Variants in CDH18 observed in about 807,000 individuals in gnomAD.
CDH18 encodes cadherin-18.
A neutral mutation model predicts 67.9 loss-of-function variants in CDH18; 31 were observed. That is an observed-to-expected ratio of 0.46 (90% CI 0.34 to 0.62). CDH18 has a LOEUF of 0.62. Among genes scored for constraint, CDH18 ranks in the 20% least tolerant of loss-of-function variants. CDH18 has a pLI of 0.01. For synonymous variants in CDH18, 362 were observed against 347.2 expected (o/e 1.04, Z -0.48); for missense variants, 890 against 975.5 (o/e 0.91, Z 1.17).
intron 2 of CDH18, among the ~76,000 whole-genome samples, chr5:20,115,297 T>TTTTTTTG (rs1580275991): frequency 1.4e-5 from 2 of 142,832 alleles, no homozygotes; most frequent in East Asian, 2.1e-4. Context: ...TTTTTTTTTT[T>TTTTTTTG]GAGACGGAGT....
chr5:20,415,941 A>G (rs1747268335), intron 1 of CDH18, among the ~76,000 whole-genome samples: 2 of 152,124 alleles, frequency 1.3e-5, no homozygotes, highest in African/African-American at 4.8e-5. Context: ...AAAATAGCCA[A>G]ACTCATAAGA....
chr5:19,774,461 A>G (rs1295102380), intron 3 of CDH18, among the ~76,000 whole-genome samples: 1 of 147,252 alleles, frequency 6.8e-6, no homozygotes, highest in African/African-American at 2.7e-5. Flanking sequence ...TAAATAAATC[A>G]TAGTAAGGGG....
At chr5:20,389,183 ATCTAAGTCTCTT>A (rs1744598176) in intron 1 of CDH18, among the ~76,000 whole-genome samples, 2 of 152,000 alleles carry the variant, frequency 1.3e-5, no homozygotes, top group South Asian at 4.1e-4. Flanking sequence ...TTGTGTGGGC[ATCTAAGTCTCTT>A]TCTAAGTCTC....
At chr5:20,297,801 G>C (rs965228472) in intron 1 of CDH18, among the ~76,000 whole-genome samples, 3 of 152,168 alleles carry the variant, frequency 2.0e-5, no homozygotes, top group Non-Finnish European at 2.9e-5. Context: ...TGATGCTCTT[G>C]CTGAGGTTGT....
At chr5:20,327,279 A>G (rs1738689908) in intron 1 of CDH18, among the ~76,000 whole-genome samples, 2 of 152,228 alleles carry the variant, frequency 1.3e-5, no homozygotes, top group South Asian at 4.1e-4. Flanking sequence ...CTTGTATCAT[A>G]GCCTCATTTC....
rs770362589 is a variant in CDH18 at position 19,520,643 on chromosome 5, A to T, written c.1512+14T>A. On this transcript the variant is annotated intron_variant, in intron 10 of 12. Transcript: ENST00000382275. ...ATTCCATTCAAATGAGGAGGAAGGA[A>T]ACAATTAACTTACCTGGCCAGGCTT... 1.2e-6 allele frequency: 2 copies of T among 1,601,614 alleles called. No individual in the cohort carries two copies. Among genetic ancestry groups the T allele is most frequent in the African/African-American group, 1.4e-5 (1 of 74,054 alleles).
At chr5:20,217,183 TAAG>T (rs1158697794) in intron 2 of CDH18, among the ~76,000 whole-genome samples, 1 of 151,526 alleles carries the variant, frequency 6.6e-6, no homozygotes, top group Non-Finnish European at 1.5e-5. Flanking sequence ...TAATGAGAAA[TAAG>T]AAATCATCTG....
intron 2 of CDH18, among the ~76,000 whole-genome samples, chr5:20,194,474 T>G (rs1580450010): frequency 6.6e-6 from 1 of 151,984 alleles, no homozygotes; most frequent in African/African-American, 2.4e-5. Flanking sequence ...TATATGCTAA[T>G]CAGAGTTGTT....
intron 2 of CDH18, among the ~76,000 whole-genome samples, chr5:20,038,261 T>C (rs576822904): frequency 2.0e-5 from 3 of 152,272 alleles, no homozygotes; most frequent in Admixed American, 6.5e-5. Flanking sequence ...AGCCAAATTC[T>C]ACCAGAGGTA....
intron 1 of CDH18, among the ~76,000 whole-genome samples, chr5:20,349,314 G>A (rs7721053): frequency 0.014 from 2,085 of 152,114 alleles, 51 homozygotes; most frequent in African/African-American, 0.047. Context: ...ACAAAAGATC[G>A]AATTTTAGTA....
chr5:20,009,868 C>T (rs573353571), intron 2 of CDH18, among the ~76,000 whole-genome samples: 2 of 152,190 alleles, frequency 1.3e-5, no homozygotes, highest in Admixed American at 1.3e-4. Flanking sequence ...CTGGAAGATA[C>T]ATTCTTTATT....
chr5:19,586,142 C>A (rs1366183691), intron 7 of CDH18, among the ~76,000 whole-genome samples: 1 of 152,132 alleles, frequency 6.6e-6, no homozygotes, highest in Admixed American at 6.6e-5. Flanking sequence ...AATACTCTAA[C>A]AAATATTAGT....
At chr5:20,295,975 G>A (rs879534615) in intron 1 of CDH18, among the ~76,000 whole-genome samples, 4 of 141,000 alleles carry the variant, frequency 2.8e-5, no homozygotes, top group Non-Finnish European at 6.1e-5. Context: ...GGGTTCAAAC[G>A]ATTCTCCTGC....
chr5:20,187,780 T>C (rs1014968786), intron 2 of CDH18, among the ~76,000 whole-genome samples: 9 of 151,856 alleles, frequency 5.9e-5, no homozygotes, highest in African/African-American at 2.2e-4. Context: ...ATTATCAGTT[T>C]TATGAATTGT....
chr5:19,735,410 T>A (rs1407087733), intron 4 of CDH18, among the ~76,000 whole-genome samples: 3 of 151,596 alleles, frequency 2.0e-5, no homozygotes, highest in African/African-American at 7.3e-5. Flanking sequence ...TTTTTTTTTT[T>A]TTTTGAGACG....
intron 2 of CDH18, among the ~76,000 whole-genome samples, chr5:19,863,581 C>T (rs1427973542): frequency 1.3e-5 from 2 of 152,138 alleles, no homozygotes; most frequent in Non-Finnish European, 2.9e-5. Flanking sequence ...GGGCTTGACC[C>T]TGAACTTTCT....
intron 6 of CDH18, among the ~76,000 whole-genome samples, chr5:19,596,684 G>T (rs1024212279): frequency 6.6e-6 from 1 of 152,136 alleles, no homozygotes. Context: ...AAACATTTAG[G>T]CTGGGTCTTA....
intron 2 of CDH18, among the ~76,000 whole-genome samples, chr5:19,925,294 C>T (rs7380851): frequency 0.72 from 109,166 of 152,032 alleles, 45,614 homozygotes; most frequent in Non-Finnish European, 0.93. Context: ...AATGTGAGTG[C>T]TTTGTTTCCG....
chr5:19,975,595 T>A (rs1798424473), intron 2 of CDH18, among the ~76,000 whole-genome samples: 1 of 152,170 alleles, frequency 6.6e-6, no homozygotes, highest in Non-Finnish European at 1.5e-5. Context: ...TCTCAGGAAA[T>A]CAAATTTTTA....
Sources: gnomAD v4.1 joint callset for allele counts (sites outside exome capture counted in the v4.1 genomes callset) on GRCh38, gnomAD v4.1.1 for gene constraint, MANE v1.5 for transcripts, NCBI Gene and HGNC (gene_info 2026-07-23, HGNC 2026-07-21) for gene names.